Variants in PPP1R12B observed in about 807,000 individuals in gnomAD.
The protein encoded by PPP1R12B is myosin phosphatase target subunit 2.
PPP1R12B carries 76 observed loss-of-function variants against 126.1 expected under a neutral mutation model. The observed-to-expected ratio is 0.60, with a 90% CI of 0.50 to 0.73. PPP1R12B has a LOEUF of 0.73. PPP1R12B is among the 30% of genes least tolerant of loss of function. PPP1R12B has a pLI of 0.00. For synonymous variants in PPP1R12B, 356 were observed against 434.7 expected (o/e 0.82, Z 2.25); for missense variants, 1,052 against 1,205.1 (o/e 0.87, Z 1.88).
At chr1:202,512,616 G>A (rs1681656431) in intron 18 of PPP1R12B, among the ~76,000 whole-genome samples, 1 of 152,180 alleles carries the variant, frequency 6.6e-6, no homozygotes, top group South Asian at 2.1e-4. Flanking sequence ...ACAAGGAACA[G>A]CAGTAATAAT....
chr1:202,372,189 A>G (rs572599619), intron 1 of PPP1R12B, among the ~76,000 whole-genome samples: 4 of 151,932 alleles, frequency 2.6e-5, no homozygotes, highest in Admixed American at 2.0e-4. Context: ...ATATTTTCCA[A>G]TCAGTTTTTC....
Position 202,484,294 on chromosome 1 carries a change from T to C in PPP1R12B, c.1851-4239T>C, listed in dbSNP as rs368304334. Among the ~76,000 whole-genome samples the C allele has an allele frequency of 3.2e-4, 48 of 152,330 alleles. 1 individual carries two copies. In the South Asian group the frequency reaches 8.1e-3, roughly 26 times the overall value. The stretch of plus-strand genomic sequence containing the variant: ...GTGCCTCTGCAGTAATTTCTTTCTT[T>C]CTTTGTGGCTACCATGGGGCTAACA... On this transcript the variant is annotated intron_variant, in intron 13 of 23. Transcript: ENST00000608999.
intron 23 of PPP1R12B, among the ~76,000 whole-genome samples, chr1:202,571,915 C>A (rs754196631): frequency 1.3e-5 from 2 of 152,214 alleles, no homozygotes; most frequent in African/African-American, 4.8e-5. Flanking sequence ...GTTTGCAGAT[C>A]GTCCAGCACC....
intron 1 of PPP1R12B, among the ~76,000 whole-genome samples, chr1:202,384,759 G>A (rs149699176): frequency 5.6e-4 from 85 of 152,264 alleles, no homozygotes; most frequent in African/African-American, 1.9e-3. Context: ...AATTTATAGT[G>A]CTACTGTGAG....
chr1:202,439,021 C>T, intron 10 of PPP1R12B: 1 of 1,381,162 alleles, frequency 7.2e-7, no homozygotes, highest in Non-Finnish European at 1.0e-6. Flanking sequence ...GCGGCAGTGC[C>T]CACTACCAGT....
intron 1 of PPP1R12B, among the ~76,000 whole-genome samples, chr1:202,368,998 A>T (rs1371344812): frequency 1.3e-5 from 2 of 152,240 alleles, no homozygotes; most frequent in African/African-American, 4.8e-5. Context: ...GATTACAGGC[A>T]TGAGCCACTA....
intron 13 of PPP1R12B, among the ~76,000 whole-genome samples, chr1:202,449,990 T>TAA (rs1672740209): frequency 1.3e-5 from 2 of 152,184 alleles, no homozygotes; most frequent in Admixed American, 6.5e-5. Context: ...CCGGCTGTCG[T>TAA]TATGGATTTA....
At chr1:202,568,413 A>C (rs1309626039) in intron 22 of PPP1R12B, among the ~76,000 whole-genome samples, 1 of 152,200 alleles carries the variant, frequency 6.6e-6, no homozygotes, top group East Asian at 1.9e-4. Flanking sequence ...GGGAAAATTC[A>C]ATTAGATTTA....
At chr1:202,535,055 A>ATGTGTGTGTGTGTG (rs145949486) in intron 18 of PPP1R12B, among the ~76,000 whole-genome samples, 1 of 146,164 alleles carries the variant, frequency 6.8e-6, no homozygotes, top group East Asian at 2.0e-4. Context: ...GTGTGTGTGT[A>ATGTGTGTGTGTGTG]TGTGTGTGTG....
At chr1:202,480,716 TGTA>T (rs1250992730) in intron 13 of PPP1R12B, among the ~76,000 whole-genome samples, 3 of 152,244 alleles carry the variant, frequency 2.0e-5, no homozygotes, top group African/African-American at 4.8e-5. Flanking sequence ...TATTATATAA[TGTA>T]GTATGTCAAT....
intron 23 of PPP1R12B, among the ~76,000 whole-genome samples, chr1:202,578,664 T>C (rs1324090099): frequency 6.6e-6 from 1 of 152,222 alleles, no homozygotes; most frequent in African/African-American, 2.4e-5. Context: ...AAACTCACAG[T>C]GATTGTAGGA....
In PPP1R12B at chr1:202,493,309, G is replaced by C. The variant is rs550486275; in HGVS notation, c.2137G>C (p.Asp713His). ...CCAGCAGCCCTGGGGCAGGAGTCTG[G>C]ATGAAGAGGTGAGCTCATTTTTGCT... Reference protein sequence around the residue: ...EGQQPWGRSLDEEPICHRLRC... With the variant: ...EGQQPWGRSLHEEPICHRLRC... The change falls in exon 15 of 24, where the codon GAT becomes CAT. Residue 713 changes from aspartate (D) to histidine (H), a missense_variant. Asp to His is a moderately conservative substitution (Grantham distance 81, BLOSUM62 -1). Transcript: ENST00000608999. The C allele has an allele frequency of 1.2e-4, 196 of 1,611,812 alleles. No homozygotes were observed. Among genetic ancestry groups the C allele is most frequent in the Non-Finnish European group, 1.3e-4 (149 of 1,179,676 alleles).
At chr1:202,428,064 A>G (rs1669782113) in intron 5 of PPP1R12B, among the ~76,000 whole-genome samples, 1 of 150,190 alleles carries the variant, frequency 6.7e-6, no homozygotes. Flanking sequence ...CAGCCTTGCC[A>G]CTTGTAATCC....
chr1:202,540,223 G>T lies in PPP1R12B; in HGVS notation c.2491-18654G>T, dbSNP rs574599307. ...ATTCTCCCCCAGCATCTCCCTCCCC[G>T]ACTGCCAAGACGCTCCGAGTAAGCA... On this transcript the variant is annotated intron_variant, in intron 18 of 23. Transcript: ENST00000608999. The T allele has an allele frequency of 1.4e-4, 231 of 1,605,774 alleles. 1 individual carries two copies. The East Asian group carries it at 4.4e-3, about 31-fold the overall frequency.
chr1:202,437,992 C>T lies in PPP1R12B; in HGVS notation c.1426C>T (p.Arg476Trp), dbSNP rs759211358. ...SSIYRSSSSP[R>W]ISALLDNKDK... is the part of the protein sequence containing the mutation. ...CATCTATCGCTCCTCTTCAAGCCCTCGGATTTCTGCTCTACTGGACAACAA... is the reference window on the plus strand; with the variant it reads ...CATCTATCGCTCCTCTTCAAGCCCTTGGATTTCTGCTCTACTGGACAACAA... The change falls in exon 10 of 24, where the codon CGG (arginine) becomes TGG (tryptophan). Residue 476 changes from arginine to tryptophan, a missense_variant. Arg to Trp is a moderately radical substitution (Grantham distance 101). Transcript: ENST00000608999. 6.2e-6 allele frequency: 10 copies of T among 1,613,958 alleles called. No individual in the cohort carries two copies. The highest frequency in any genetic ancestry group is 8.5e-6 in the Non-Finnish European group (10 of 1,179,992).
intron 15 of PPP1R12B, among the ~76,000 whole-genome samples, chr1:202,494,582 TAAAAAAAA>T (rs35373351): frequency 7.8e-6 from 1 of 127,688 alleles, no homozygotes; most frequent in African/African-American, 3.0e-5. Context: ...TTCTCAGGTT[TAAAAAAAA>T]AAAAAAAAAA....
At chr1:202,580,113 C>T (rs1689456414) in intron 23 of PPP1R12B, among the ~76,000 whole-genome samples, 1 of 152,182 alleles carries the variant, frequency 6.6e-6, no homozygotes, top group Admixed American at 6.5e-5. Context: ...TTTTGGCTCT[C>T]TCCCCAATTT....
intron 18 of PPP1R12B, among the ~76,000 whole-genome samples, chr1:202,510,929 ATT>A (rs1313449426): frequency 2.0e-5 from 3 of 146,574 alleles, no homozygotes; most frequent in African/African-American, 4.9e-5. Context: ...TATTTATACT[ATT>A]TATTAATTTA....
chr1:202,443,834 G>T (rs558387660), intron 12 of PPP1R12B, among the ~76,000 whole-genome samples: 151 of 152,318 alleles, frequency 9.9e-4, no homozygotes, highest in African/African-American at 3.4e-3. Context: ...TGATTTTTGT[G>T]ATCCAAATAA....
Sources: gnomAD v4.1 joint callset for allele counts (sites outside exome capture counted in the v4.1 genomes callset) on GRCh38, gnomAD v4.1.1 for gene constraint, MANE v1.5 for transcripts, NCBI Gene and HGNC (gene_info 2026-07-23, HGNC 2026-07-21) for gene names.